The following OGT variants were observed in gnomAD, a reference collection of about 807,000 sequenced individuals.
OGT encodes the protein O-linked N-acetylglucosamine (GlcNAc) transferase.
OGT carries 3 observed loss-of-function variants against 75.8 expected under a neutral mutation model. The ratio of observed to expected loss-of-function variants is 0.04; its 90% CI spans 0.02 to 0.10. The LOEUF (loss-of-function observed/expected upper bound fraction) is 0.10, where lower values mean the gene tolerates loss of function less well. Ranked by LOEUF, OGT falls within the 10% of genes least tolerant of loss-of-function variation. The probability of loss-of-function intolerance (pLI) is 1.00; values close to 1 mark genes in which losing one functional copy is unlikely to be tolerated. For synonymous variants in OGT, 257 were observed against 289.7 expected (o/e 0.89, Z 1.15); for missense variants, 260 against 824.4 (o/e 0.32, Z 8.38).
intron 5 of OGT, among the ~76,000 whole-genome samples, chrX:71,552,589 C>T (rs899034775): frequency 1.8e-5 from 2 of 110,394 alleles, no homozygotes; most frequent in Non-Finnish European, 3.8e-5. Context: ...AGGGCTTTGC[C>T]ATGTTCCCAG....
In OGT at chrX:71,574,319, T is replaced by C. The variant is rs929780605; in HGVS notation, c.*525T>C. ...ATTGACAGGGACTTTGCTGGTGTAG[T>C]CTTTTTATAGGTTTTATAAACCACT... On this transcript the variant is annotated 3_prime_UTR_variant, in exon 22 of 22. Transcript: ENST00000373719. 1.8e-5 allele frequency: 2 copies of C among 111,993 alleles called. No homozygotes were observed. The highest frequency in any genetic ancestry group is 6.5e-5 in the African/African-American group (2 of 30,680). The allele number at this position is 111,993 out of a possible 1,213,427, so 9.2% of individuals were successfully genotyped here.
intron 4 of OGT, chrX:71,546,713 G>A (rs947844763): frequency 4.0e-6 from 3 of 752,120 alleles, no homozygotes; most frequent in Non-Finnish European, 4.7e-6. Context: ...TCTTCTTGTT[G>A]TTCATTTTTT....
intron 1 of OGT, among the ~76,000 whole-genome samples, chrX:71,534,086 G>T (rs767533924): frequency 9.0e-6 from 1 of 110,712 alleles, no homozygotes; most frequent in African/African-American, 3.3e-5. Context: ...GAGGTTGCCA[G>T]CCCTGTTCAC....
At chrX:71,559,752 TTGA>T (rs2040369230) in intron 14 of OGT, 75 bp downstream of exon 14, 7 of 797,347 alleles carry the variant, frequency 8.8e-6, no homozygotes, top group Non-Finnish European at 1.3e-5. Flanking sequence ...TAGTTTATTT[TTGA>T]TGATAAGTAT....
chrX:71,550,489 TCC>T (rs2040295622), intron 5 of OGT, among the ~76,000 whole-genome samples: 1 of 111,493 alleles, frequency 9.0e-6, no homozygotes, highest in Non-Finnish European at 1.9e-5. Flanking sequence ...GCTCAAGTGA[TCC>T]TCCCACCTTG....
chrX:71,568,757 G>C (rs2040432158), intron 21 of OGT, among the ~76,000 whole-genome samples: 2 of 110,243 alleles, frequency 1.8e-5, no homozygotes, highest in Admixed American at 2.0e-4. Context: ...GAACCCGGGA[G>C]GCAGAGGTTG....
intron 21 of OGT, among the ~76,000 whole-genome samples, chrX:71,570,083 C>T (rs1053686032): frequency 2.5e-5 from 2 of 78,444 alleles, no homozygotes; most frequent in East Asian, 4.5e-4. Context: ...CACTGTTGCC[C>T]GGGCTGAAGT....
chrX:71,552,616 C>T (rs1461508333), intron 5 of OGT, among the ~76,000 whole-genome samples: 1 of 110,539 alleles, frequency 9.0e-6, no homozygotes, highest in African/African-American at 3.3e-5. Flanking sequence ...AACTCCTGAG[C>T]TCAGGCAGTC....
chrX:71,540,544 AGTT>A (rs2040210110), intron 3 of OGT, among the ~76,000 whole-genome samples: 3 of 111,839 alleles, frequency 2.7e-5, no homozygotes, highest in Admixed American at 9.5e-5. Flanking sequence ...TCAATTTAGA[AGTT>A]GTTCTCTGTG....
intron 1 of OGT, among the ~76,000 whole-genome samples, chrX:71,535,638 ATAATT>A (rs1825157100): frequency 8.9e-6 from 1 of 111,942 alleles, no homozygotes; most frequent in African/African-American, 3.2e-5. Context: ...AAAAATTGAT[ATAATT>A]TAAAGAATTA....
chrX:71,533,987 G>C (rs1487733028), intron 1 of OGT, among the ~76,000 whole-genome samples: 2 of 111,345 alleles, frequency 1.8e-5, no homozygotes, highest in African/African-American at 3.3e-5. Flanking sequence ...GAAATTTCCA[G>C]GGGTTTCCTT....
chrX:71,549,627 A>C (rs1279808624), intron 5 of OGT, among the ~76,000 whole-genome samples: 4 of 110,947 alleles, frequency 3.6e-5, no homozygotes, highest in Non-Finnish European at 7.5e-5. Flanking sequence ...CTCTACAAAA[A>C]ATACAAAAAG....
rs188750506 is a variant in OGT, at chrX:71,542,603, T to A, written c.463-1964T>A. Among the ~76,000 whole-genome samples, 6 of 112,001 alleles carry A rather than the reference T, an allele frequency of 5.4e-5. No individual in the cohort carries two copies. The East Asian group carries it at 1.1e-3, about 21-fold the overall frequency. ...TTACGCAACAGCTGGCTACTATGTATGGCCATTACAGTCATTGTTGGAGAA... is the reference window on the plus strand; with the variant it reads ...TTACGCAACAGCTGGCTACTATGTAAGGCCATTACAGTCATTGTTGGAGAA... On this transcript the variant is annotated intron_variant, in intron 3 of 21. Coordinates refer to ENST00000373719, the MANE Select transcript of OGT (RefSeq NM_181672.3).
chrX:71,556,899 G>T (rs1412175518), intron 9 of OGT, 53 bp from the exon 10 acceptor site: 2 of 1,160,274 alleles, frequency 1.7e-6, no homozygotes, highest in Non-Finnish European at 2.3e-6. Flanking sequence ...TAGCATTACA[G>T]TGGGTTAAAG....
chrX:71,547,810 C>A (rs777516103), intron 4 of OGT, 97 bp from the exon 5 acceptor site: 5 of 971,903 alleles, frequency 5.1e-6, no homozygotes, highest in East Asian at 4.7e-5. Context: ...CACCTTCTTC[C>A]CCCCCTCCCC....
intron 19 of OGT, among the ~76,000 whole-genome samples, chrX:71,565,235 C>CT (rs748351925): frequency 1.8e-5 from 2 of 111,540 alleles, no homozygotes; most frequent in South Asian, 7.4e-4. Flanking sequence ...GGGTTATGCC[C>CT]TTTTTTTAAA....
chrX:71,553,137 G>A (rs961809692), intron 5 of OGT, among the ~76,000 whole-genome samples: 1 of 111,705 alleles, frequency 9.0e-6, no homozygotes, highest in East Asian at 2.8e-4. Flanking sequence ...TGTCGCCCAG[G>A]CTGGAGTGCA....
chrX:71,540,383 T>C (rs2040209084), intron 3 of OGT, among the ~76,000 whole-genome samples: 1 of 112,352 alleles, frequency 8.9e-6, no homozygotes, highest in Non-Finnish European at 1.9e-5. Context: ...ACCTGAATCA[T>C]AGATGTAGTT....
At chrX:71,544,801 T>C (rs1240614123) in intron 4 of OGT, 166 bp downstream of exon 4, 1 of 448,919 alleles carries the variant, frequency 2.2e-6, no homozygotes, top group African/African-American at 2.4e-5. Context: ...GGCTTTGGCA[T>C]ATCTGTTCTA....
Sources: gnomAD v4.1 joint callset for allele counts (sites outside exome capture counted in the v4.1 genomes callset) on GRCh38, gnomAD v4.1.1 for gene constraint, MANE v1.5 for transcripts, NCBI Gene and HGNC (gene_info 2026-07-23, HGNC 2026-07-21) for gene names.